Variants in CATSPERT observed in about 807,000 individuals in gnomAD.
The protein encoded by CATSPERT is cation channel sperm-associated targeting subunit tau.
At chr2:201,572,648 G>C in the CATSPERT span, among the ~76,000 whole-genome samples, 1 of 151,946 alleles carries the variant, frequency 6.6e-6, no homozygotes, top group African/African-American at 2.4e-5. Flanking sequence ...TCCGGAGTTG[G>C]TGCTCATAAG....
chr2:201,585,613 G>A, the CATSPERT span, among the ~76,000 whole-genome samples: 1 of 151,830 alleles, frequency 6.6e-6, no homozygotes, highest in African/African-American at 2.4e-5. Context: ...TACAACTCAA[G>A]GGAATTAAAA....
the CATSPERT span, among the ~76,000 whole-genome samples, chr2:201,593,964 T>C: frequency 1.3e-5 from 2 of 152,058 alleles, no homozygotes; most frequent in Non-Finnish European, 2.9e-5. Context: ...AATTGGAGCA[T>C]TTAGTCCATT....
chr2:201,543,846 C>T, the CATSPERT span, among the ~76,000 whole-genome samples: 1 of 152,008 alleles, frequency 6.6e-6, no homozygotes, highest in South Asian at 2.1e-4. Context: ...TAGTACTATA[C>T]TTTAACTTGC....
the CATSPERT span, chr2:201,575,248 C>T: frequency 3.9e-6 from 6 of 1,541,636 alleles, no homozygotes; most frequent in South Asian, 1.3e-5. Context: ...ATTACATGCA[C>T]ATAAAACTTA....
At chr2:201,563,003 C>A in the CATSPERT span, among the ~76,000 whole-genome samples, 8 of 151,206 alleles carry the variant, frequency 5.3e-5, no homozygotes, top group Admixed American at 2.0e-4. Context: ...CCATTGTCAT[C>A]CTGGCCCGTT....
the CATSPERT span, among the ~76,000 whole-genome samples, chr2:201,602,435 T>A: frequency 6.6e-6 from 1 of 152,064 alleles, no homozygotes; most frequent in South Asian, 2.1e-4. Context: ...TCTCTTTATA[T>A]AAAAAAGAAA....
At chr2:201,618,348 G>A in the CATSPERT span, among the ~76,000 whole-genome samples, 1 of 152,110 alleles carries the variant, frequency 6.6e-6, no homozygotes, top group Non-Finnish European at 1.5e-5. Flanking sequence ...AGAAAATGTG[G>A]CACATATACA....
the CATSPERT span, among the ~76,000 whole-genome samples, chr2:201,616,406 T>A: frequency 6.6e-6 from 1 of 152,168 alleles, no homozygotes; most frequent in African/African-American, 2.4e-5. Flanking sequence ...GTCCAACATA[T>A]GCAAATCAAT....
the CATSPERT span, among the ~76,000 whole-genome samples, chr2:201,508,148 C>G: frequency 6.6e-6 from 1 of 152,124 alleles, no homozygotes; most frequent in Non-Finnish European, 1.5e-5. Flanking sequence ...ATTATAGAAA[C>G]TAACATAAGT....
the CATSPERT span, among the ~76,000 whole-genome samples, chr2:201,611,397 C>A: frequency 2.0e-5 from 3 of 152,128 alleles, no homozygotes; most frequent in African/African-American, 7.2e-5. Context: ...AAATAGAAAT[C>A]AAAAAATATT....
chr2:201,558,238 C>T, the CATSPERT span: 2 of 152,234 alleles, frequency 1.3e-5, no homozygotes, highest in African/African-American at 2.4e-5. Flanking sequence ...AGCATTTTCC[C>T]TGGATTTTTT....
At chr2:201,608,586 G>T in the CATSPERT span, among the ~76,000 whole-genome samples, 1 of 152,110 alleles carries the variant, frequency 6.6e-6, no homozygotes, top group African/African-American at 2.4e-5. Context: ...GGAGGCCAAG[G>T]TGGGCAAATC....
chr2:201,553,910 T>G, the CATSPERT span: 1 of 152,146 alleles, frequency 6.6e-6, no homozygotes, highest in Non-Finnish European at 1.5e-5. Context: ...CTATTACTAC[T>G]ACCATGAGCA....
the CATSPERT span, among the ~76,000 whole-genome samples, chr2:201,536,936 A>T: frequency 1.3e-5 from 2 of 151,908 alleles, no homozygotes; most frequent in Non-Finnish European, 2.9e-5. Context: ...GCAGTAAGTG[A>T]ACATTTTACT....
chr2:201,582,947 C>T, the CATSPERT span, among the ~76,000 whole-genome samples: 1 of 152,000 alleles, frequency 6.6e-6, no homozygotes, highest in Non-Finnish European at 1.5e-5. Flanking sequence ...GAATGCAAGC[C>T]CTGTGTGCCA....
chr2:201,593,560 CTAA>C, the CATSPERT span, among the ~76,000 whole-genome samples: 1 of 52,158 alleles, frequency 1.9e-5, no homozygotes, highest in African/African-American at 5.8e-5. Context: ...TCTCATTGAT[CTAA>C]TGTTGACAGT....
chr2:201,570,762 C>T, the CATSPERT span, among the ~76,000 whole-genome samples: 4 of 152,272 alleles, frequency 2.6e-5, no homozygotes, highest in South Asian at 8.3e-4. Flanking sequence ...AGACTGTTCT[C>T]TAACATAATA....
At chr2:201,540,635 T>C in the CATSPERT span, among the ~76,000 whole-genome samples, 2 of 152,228 alleles carry the variant, frequency 1.3e-5, no homozygotes, top group East Asian at 1.9e-4. Flanking sequence ...GAAAAAAAGA[T>C]ACCTTTCAAA....
At chr2:201,553,361 AAATCTTAG>A in the CATSPERT span, 1 of 152,334 alleles carries the variant, frequency 6.6e-6, no homozygotes, top group East Asian at 1.9e-4. Context: ...ATATTATTAC[AAATCTTAG>A]AACACTTCAA....
Sources: allele counts gnomAD v4.1 joint callset (sites outside exome capture counted in the v4.1 genomes callset), GRCh38; gene constraint gnomAD v4.1.1; transcripts MANE v1.5; gene names NCBI Gene and HGNC (gene_info 2026-07-23, HGNC 2026-07-21).